The following EHD3 variants were observed in gnomAD, a reference collection of about 807,000 sequenced individuals.
The protein encoded by EHD3 is EH domain containing 3.
Under a neutral mutation model 43.0 loss-of-function variants are expected in EHD3, and 17 were observed. That is an observed-to-expected ratio of 0.40 (90% CI 0.27 to 0.59). EHD3 has a LOEUF of 0.59. Ranked by LOEUF, EHD3 falls within the 20% of genes least tolerant of loss-of-function variation. EHD3 has a pLI of 0.49. For missense variants in EHD3, 594 were observed against 705.6 expected (o/e 0.84, Z 1.79); for synonymous variants, 313 against 289.5 (o/e 1.08, Z -0.82).
intron 3 of EHD3, among the ~76,000 whole-genome samples, chr2:31,249,842 G>A (rs1331514682): frequency 6.6e-6 from 1 of 152,196 alleles, no homozygotes; most frequent in Non-Finnish European, 1.5e-5. Flanking sequence ...GCAGCCAAAT[G>A]CATACAGAGA....
chr2:31,244,600 A>G (rs972049252), intron 2 of EHD3, 150 bp downstream of exon 2: 10 of 881,286 alleles, frequency 1.1e-5, no homozygotes, highest in Non-Finnish European at 1.5e-5. Flanking sequence ...TTGCTTGCTG[A>G]GAGTGTAACT....
chr2:31,256,224 C>T (rs2148721487), intron 3 of EHD3, among the ~76,000 whole-genome samples: 1 of 152,298 alleles, frequency 6.6e-6, no homozygotes, highest in Non-Finnish European at 1.5e-5. Context: ...GAAACTAGGG[C>T]TTAAAAGGAG....
intron 1 of EHD3, among the ~76,000 whole-genome samples, chr2:31,244,014 C>T (rs894391064): frequency 3.3e-5 from 5 of 152,144 alleles, no homozygotes; most frequent in Admixed American, 1.3e-4. Context: ...CTTCTACCCC[C>T]GCCCACCAGC....
At chr2:31,234,877 A>C in intron 1 of EHD3, 29 bp downstream of exon 1, 1 of 1,609,614 alleles carries the variant, frequency 6.2e-7, no homozygotes, top group Non-Finnish European at 8.5e-7. Flanking sequence ...CTGGCAGCCC[A>C]CCCCGGAGCC....
chr2:31,261,050 G>A, intron 4 of EHD3, 128 bp downstream of exon 4: 3 of 1,058,920 alleles, frequency 2.8e-6, no homozygotes, highest in Non-Finnish European at 4.0e-6. Flanking sequence ...GGGCAGGACA[G>A]TGCGGGAGCC....
In EHD3 at chr2:31,255,090, C is replaced by T. The variant is rs747426722; in HGVS notation, c.503-5420C>T. On this transcript the variant is annotated intron_variant, in intron 3 of 5. Coordinates refer to ENST00000322054, the MANE Select transcript of EHD3 (RefSeq NM_014600.3). ...TTTCTTTCCAGTCATCTGGAGCCTC[C>T]GGTTGGAGGGGACCATAGATCCCTG... 5.2e-4 allele frequency among the ~76,000 whole-genome samples: 79 copies of T among 152,146 alleles called. 1 individual carries two copies. Among genetic ancestry groups the T allele is most frequent in the East Asian group, 1.9e-4 (1 of 5,194 alleles).
chr2:31,252,456 TTTGTTG>T (rs368487066), intron 3 of EHD3, among the ~76,000 whole-genome samples: 5 of 152,112 alleles, frequency 3.3e-5, no homozygotes, highest in African/African-American at 9.7e-5. Flanking sequence ...TATTTCTGTT[TTTGTTG>T]TTGTTGTTGT....
chr2:31,261,513 T>G (rs138823601), intron 4 of EHD3, 36 bp from the exon 5 acceptor site: 1 of 1,612,736 alleles, frequency 6.2e-7, no homozygotes, highest in Non-Finnish European at 8.5e-7. Context: ...GTCCAGGGTC[T>G]TGATGTGAAG....
At position 31,243,460 on chromosome 2, in the gene EHD3, C is replaced by CTTTCTTTTTT. The variant is rs1553402472; in HGVS notation, c.228-811_228-810insCTTTTTTTTT. Among the ~76,000 whole-genome samples the CTTTCTTTTTT allele has an allele frequency of 4.9e-4, 48 of 98,476 alleles. 2 individuals carry two copies. The highest frequency in any genetic ancestry group is 1.9e-3 in the African/African-American group (42 of 21,828). 64.6% of individuals were successfully genotyped at this position (98,476 alleles called of 152,430 possible). ...TCTTTCTTTCTTTCTTTCTTTCTTTCTTTTTTTTTTTTTGAGACAGAGTTT... is the reference window on the plus strand; with the variant it reads ...TCTTTCTTTCTTTCTTTCTTTCTTTCTTTCTTTTTTTTTTTTTTTTTTTGAGACAGAGTTT... On this transcript the variant is annotated intron_variant, in intron 1 of 5. Coordinates refer to ENST00000322054, the MANE Select transcript of EHD3 (RefSeq NM_014600.3).
In EHD3 at chr2:31,267,059, C is replaced by A; in HGVS notation, c.*355C>A. 4.1e-6 allele frequency: 1 copy of A among 245,864 alleles called. No homozygotes were observed. 15.2% of individuals were successfully genotyped at this position (245,864 alleles called of 1,614,324 possible). ...CCACCTCCAGATTCCCCAGTGCTTC[C>A]ACACCCGGGCTCTGAGCAAATGGAA... On this transcript the variant is annotated 3_prime_UTR_variant, in exon 6 of 6. Coordinates refer to ENST00000322054, the MANE Select transcript of EHD3 (RefSeq NM_014600.3).
chr2:31,245,697 G>A (rs1471365639), intron 2 of EHD3, among the ~76,000 whole-genome samples: 2 of 146,836 alleles, frequency 1.4e-5, no homozygotes, highest in African/African-American at 5.0e-5. Context: ...GAGTAGCTGG[G>A]ATTACAGGCA....
intron 3 of EHD3, among the ~76,000 whole-genome samples, chr2:31,251,596 G>C (rs1005724426): frequency 6.6e-6 from 1 of 152,176 alleles, no homozygotes; most frequent in Admixed American, 6.5e-5. Context: ...TTGGTGGCCT[G>C]TGAATTCTGG....
In EHD3 at chr2:31,268,116, A is replaced by C. The variant is rs1030267924; in HGVS notation, c.*1412A>C. ...AGAGGTTTGGGGCCTTGTTCCCCAG[A>C]GGGTCCCCAGGGACTCTGCAGTGTC... On this transcript the variant is annotated 3_prime_UTR_variant, in exon 6 of 6. Transcript: ENST00000322054. The C allele has an allele frequency of 1.3e-5, 2 of 152,640 alleles. No individual in the cohort carries two copies. The highest frequency in any genetic ancestry group is 4.8e-5 in the African/African-American group (2 of 41,460). 9.5% of individuals were successfully genotyped at this position (152,640 alleles called of 1,614,324 possible).
At chr2:31,261,443 G>T in intron 4 of EHD3, 106 bp from the exon 5 acceptor site, 1 of 1,304,478 alleles carries the variant, frequency 7.7e-7, no homozygotes, top group South Asian at 1.4e-5. Flanking sequence ...AGGAGCAGGA[G>T]GAGGCGGGAG....
At chr2:31,239,102 G>A (rs547876670) in intron 1 of EHD3, among the ~76,000 whole-genome samples, 70 of 152,284 alleles carry the variant, frequency 4.6e-4, no homozygotes, top group Middle Eastern at 6.8e-3. Flanking sequence ...AGGTGCCTTC[G>A]CATTTGCTGT....
intron 5 of EHD3, among the ~76,000 whole-genome samples, chr2:31,262,155 G>A (rs528944521): frequency 3.9e-5 from 6 of 152,320 alleles, no homozygotes; most frequent in African/African-American, 1.2e-4. Context: ...AAGTGCACAC[G>A]GGAACTCGTC....
At chr2:31,234,875 C>T (rs141685318) in intron 1 of EHD3, 27 bp downstream of exon 1, 2 of 1,610,826 alleles carry the variant, frequency 1.2e-6, no homozygotes, top group East Asian at 4.5e-5. Context: ...TCCTGGCAGC[C>T]CACCCCGGAG....
intron 2 of EHD3, among the ~76,000 whole-genome samples, chr2:31,247,371 A>C (rs1013944836): frequency 3.9e-5 from 6 of 152,070 alleles, no homozygotes; most frequent in African/African-American, 1.4e-4. Flanking sequence ...AAAATTATAA[A>C]GAAAATATAT....
At chr2:31,252,279 C>T (rs1683651985) in intron 3 of EHD3, among the ~76,000 whole-genome samples, 1 of 151,944 alleles carries the variant, frequency 6.6e-6, no homozygotes, top group Non-Finnish European at 1.5e-5. Flanking sequence ...CTACCTTCCT[C>T]CCTCCCTCCC....
Sources: gnomAD v4.1 joint callset for allele counts (sites outside exome capture counted in the v4.1 genomes callset) on GRCh38, gnomAD v4.1.1 for gene constraint, MANE v1.5 for transcripts, NCBI Gene and HGNC (gene_info 2026-07-23, HGNC 2026-07-21) for gene names.